Variants in NSUN2 observed in about 807,000 individuals in gnomAD.
NSUN2 encodes the protein RNA cytosine C(5)-methyltransferase NSUN2.
Under a neutral mutation model 92.7 loss-of-function variants are expected in NSUN2, and 63 were observed. The ratio of observed to expected loss-of-function variants is 0.68; its 90% CI spans 0.56 to 0.84. The LOEUF (loss-of-function observed/expected upper bound fraction) is 0.84, where lower values mean the gene tolerates loss of function less well. NSUN2 is among the 40% of genes least tolerant of loss of function. The probability of loss-of-function intolerance (pLI) is 0.00; values close to 1 mark genes in which losing one functional copy is unlikely to be tolerated. For missense variants in NSUN2, 989 were observed against 964.9 expected (o/e 1.02, Z -0.33); for synonymous variants, 356 against 348.3 (o/e 1.02, Z -0.25).
In NSUN2 at chr5:6,632,892, C is replaced by G. The variant is rs1373345823; in HGVS notation, c.88G>C (p.Gly30Arg). The G allele has an allele frequency of 6.5e-7, 1 of 1,531,120 alleles. No individual in the cohort carries two copies. Among genetic ancestry groups the G allele is most frequent in the Non-Finnish European group, 8.7e-7 (1 of 1,144,182 alleles). 94.8% of individuals were successfully genotyped at this position (1,531,120 alleles called of 1,614,324 possible). A position where few individuals can be genotyped will look rare whatever the true frequency, so the allele number is the denominator to read the frequency against. Residue 30 changes from glycine (G) to arginine (R), a missense_variant, in exon 1 of 19, where the codon GGC becomes CGC. Around this residue, in one of 3 missense-constraint regions of NSUN2, gnomAD observed 356 missense variants for 338.6 expected, o/e 1.05. Coordinates refer to ENST00000264670, the MANE Select transcript of NSUN2 (RefSeq NM_017755.6). ...CGGGTCCCGGCTCCTACCGCCTCGC[C>G]GCGCTTTCCACCACCCTCGGCGCCA... The part of the protein sequence containing the change: ...EDGAEGGGKR[G>R]EAGWEGGYPE...
chr5:6,621,990 A>G, intron 6 of NSUN2, 26 bp downstream of exon 6: 1 of 1,592,074 alleles, frequency 6.3e-7, no homozygotes. Context: ...CATTCCTACC[A>G]TTTTGAACAC....
intron 9 of NSUN2, among the ~76,000 whole-genome samples, chr5:6,614,209 A>C (rs1316369382): frequency 6.6e-6 from 1 of 151,882 alleles, no homozygotes; most frequent in African/African-American, 2.4e-5. Context: ...GCGTTCACTC[A>C]GAAAACCAGC....
intron 7 of NSUN2, among the ~76,000 whole-genome samples, chr5:6,618,538 A>T (rs553504007): frequency 6.6e-6 from 1 of 152,198 alleles, no homozygotes; most frequent in Non-Finnish European, 1.5e-5. Flanking sequence ...TCAGAACCTA[A>T]AATACTATTG....
chr5:6,632,567 A>G, intron 2 of NSUN2, 32 bp downstream of exon 2: 1 of 1,610,770 alleles, frequency 6.2e-7, no homozygotes. Flanking sequence ...TCCTGGCCCC[A>G]ACTCCCAAAA....
chr5:6,631,300 C>G (rs914783436), intron 3 of NSUN2, among the ~76,000 whole-genome samples: 1 of 152,102 alleles, frequency 6.6e-6, no homozygotes, highest in Non-Finnish European at 1.5e-5. Flanking sequence ...AGACTAGAAC[C>G]GAGCCATGAG....
chr5:6,625,395 G>A (rs978775258), intron 4 of NSUN2, among the ~76,000 whole-genome samples, 169 bp downstream of exon 4: 1 of 152,122 alleles, frequency 6.6e-6, no homozygotes, highest in African/African-American at 2.4e-5. Flanking sequence ...ACAAGGCAAC[G>A]GATATACAAA....
chr5:6,600,326 C>T (rs1330720241), intron 18 of NSUN2, 94 bp from the exon 19 acceptor site: 3 of 1,179,944 alleles, frequency 2.5e-6, no homozygotes, highest in Non-Finnish European at 3.5e-6. Flanking sequence ...AAGAAAACCA[C>T]AGAAAACCCA....
At chr5:6,603,584 G>A (rs1036786809) in intron 17 of NSUN2, among the ~76,000 whole-genome samples, 11 of 152,226 alleles carry the variant, frequency 7.2e-5, no homozygotes, top group African/African-American at 2.7e-4. Flanking sequence ...CCAGCTACTT[G>A]GGAGGCTGGG....
In NSUN2 at chr5:6,610,907, G is replaced by A. The variant is rs765140873; in HGVS notation, c.1226+48C>T. On this transcript the variant is annotated intron_variant, in intron 11 of 18. Transcript: ENST00000264670. Reference sequence around the variant, plus strand: ...AAGACTCACCAGCTCACCAGGGATGGGGCTTAACCTTCCCCCCTCCCCACA... The same window carrying A: ...AAGACTCACCAGCTCACCAGGGATGAGGCTTAACCTTCCCCCCTCCCCACA... 1.0e-5 allele frequency: 16 copies of A among 1,607,008 alleles called. No individual in the cohort carries two copies. The South Asian group carries it at 1.5e-4, about 16-fold the overall frequency.
At chr5:6,616,890 A>C (rs1449783110) in intron 8 of NSUN2, 33 bp from the exon 9 acceptor site, 1 of 1,600,236 alleles carries the variant, frequency 6.2e-7, no homozygotes, top group Non-Finnish European at 8.5e-7. Flanking sequence ...TGCAAGGCCA[A>C]ATGTATCCAT....
intron 16 of NSUN2, 95 bp from the exon 17 acceptor site, chr5:6,604,371 G>T (rs1472551374): frequency 1.1e-5 from 14 of 1,225,932 alleles, no homozygotes; most frequent in African/African-American, 1.5e-5. Context: ...AGCGGCTATG[G>T]TGGTCGAGCC....
At chr5:6,616,030 T>C (rs575210119) in intron 9 of NSUN2, among the ~76,000 whole-genome samples, 1 of 152,274 alleles carries the variant, frequency 6.6e-6, no homozygotes, top group East Asian at 1.9e-4. Flanking sequence ...ATTGGAACCC[T>C]TGTGCACTGG....
chr5:6,611,419 G>A (rs1241928122), intron 10 of NSUN2, among the ~76,000 whole-genome samples: 2 of 121,808 alleles, frequency 1.6e-5, no homozygotes, highest in Non-Finnish European at 3.3e-5. Context: ...ACTTCATATT[G>A]GAAACAAGGC....
chr5:6,610,987 T>C lies in NSUN2; in HGVS notation c.1194A>G (p.Pro398=), dbSNP rs369416800. ...CCAGGTGCATGGCCTGCAGCTTTTC[T>C]GGGTCCTTCGGAGGGAACATGGTAG... ...IRPTMFPPKD[P]EKLQAMHLER... Residue 398 remains proline, a synonymous_variant, in exon 11 of 19, where the codon CCA becomes CCG. Coordinates refer to ENST00000264670, the MANE Select transcript of NSUN2 (RefSeq NM_017755.6). 30 of 1,614,074 alleles carry C rather than the reference T, an allele frequency of 1.9e-5. No homozygotes were observed. The highest frequency in any genetic ancestry group is 2.5e-5 in the Non-Finnish European group (29 of 1,180,050).
chr5:6,614,571 T>C (rs888629249), intron 9 of NSUN2, among the ~76,000 whole-genome samples: 12 of 152,126 alleles, frequency 7.9e-5, no homozygotes, highest in African/African-American at 2.7e-4. Context: ...GAGAGACCCA[T>C]GGGAATGAGA....
intron 17 of NSUN2, among the ~76,000 whole-genome samples, chr5:6,603,025 A>G (rs1372537949): frequency 6.6e-6 from 1 of 152,228 alleles, no homozygotes; most frequent in Non-Finnish European, 1.5e-5. Context: ...CATGTTTTAT[A>G]TCCCAAAGGA....
intron 5 of NSUN2, among the ~76,000 whole-genome samples, chr5:6,622,522 G>A (rs1360350706): frequency 6.6e-6 from 1 of 152,178 alleles, no homozygotes; most frequent in Non-Finnish European, 1.5e-5. Flanking sequence ...AGAGGGTTGT[G>A]TGAATGATAA....
intron 10 of NSUN2, among the ~76,000 whole-genome samples, chr5:6,611,448 T>TAAAAAA (rs760872450): frequency 0.18 from 15,697 of 85,034 alleles, 1,576 homozygotes; most frequent in East Asian, 0.38. Flanking sequence ...CGGCCCAATT[T>TAAAAAA]AAAAAAAAAA....
rs537538457 is a variant in NSUN2, at chr5:6,629,956, T to C, written c.359+1917A>G. Among the ~76,000 whole-genome samples the C allele has an allele frequency of 1.1e-4, 17 of 152,318 alleles. No individual in the cohort carries two copies. In the South Asian group the frequency reaches 2.7e-3, roughly 24 times the overall value. ...GGAAATGTGAGTCAATTAAGCCTAT[T>C]TCCTTTATCTATACATTACTCAGGT... On this transcript the variant is annotated intron_variant, in intron 3 of 18. Transcript: ENST00000264670.
Sources: gnomAD v4.1 joint callset for allele counts (sites outside exome capture counted in the v4.1 genomes callset) on GRCh38, gnomAD v4.1.1 for gene constraint, gnomAD v4.1.1 regional missense constraint, MANE v1.5 for transcripts, NCBI Gene and HGNC (gene_info 2026-07-23, HGNC 2026-07-21) for gene names.